RNGTT: variants seen among roughly 807,000 people sequenced by gnomAD.
RNGTT encodes the protein RNA guanylyltransferase and 5'-phosphatase.
In RNGTT, 33 loss-of-function variants were observed where a neutral mutation model predicts 79.3. The observed-to-expected ratio is 0.42, with a 90% confidence interval of 0.32 to 0.56. RNGTT has a LOEUF of 0.56. Among genes scored for constraint, RNGTT ranks in the 20% least tolerant of loss-of-function variants. RNGTT has a pLI of 0.17. For missense variants in RNGTT, 497 were observed against 739.1 expected, an observed-to-expected ratio of 0.67 and a Z score of 3.80; for synonymous variants, 222 against 235.9, an observed-to-expected ratio of 0.94 and a Z score of 0.54.
At chr6:88,808,955 TAA>T (rs879329656) in intron 11 of RNGTT, among the ~76,000 whole-genome samples, 1 of 140,318 alleles carries the variant, frequency 7.1e-6, no homozygotes, top group Non-Finnish European at 1.6e-5. Flanking sequence ...AGATCCCTCT[TAA>T]AAAAAAAAAA....
intron 14 of RNGTT, among the ~76,000 whole-genome samples, chr6:88,624,496 A>C (rs1022502943): frequency 7.9e-5 from 12 of 152,004 alleles, no homozygotes; most frequent in Admixed American, 3.3e-4. Flanking sequence ...TAGTCTTTTC[A>C]ATAAATGGTA....
intron 8 of RNGTT, among the ~76,000 whole-genome samples, chr6:88,861,739 A>C (rs1782020413): frequency 6.6e-6 from 1 of 152,028 alleles, no homozygotes; most frequent in African/African-American, 2.4e-5. Context: ...CAGTGTCAAA[A>C]CCCCTTTCAC....
intron 12 of RNGTT, among the ~76,000 whole-genome samples, chr6:88,791,074 G>C (rs776226323): frequency 2.0e-5 from 3 of 151,330 alleles, no homozygotes; most frequent in Non-Finnish European, 2.9e-5. Flanking sequence ...TTAAATTAAG[G>C]CCATTCAAGG....
intron 13 of RNGTT, among the ~76,000 whole-genome samples, chr6:88,707,034 G>A: frequency 6.6e-6 from 1 of 152,158 alleles, no homozygotes; most frequent in Non-Finnish European, 1.5e-5. Context: ...GATGAATTAA[G>A]CTTAGCATTG....
At chr6:88,952,606 G>A (rs1354627134) in intron 1 of RNGTT, among the ~76,000 whole-genome samples, 1 of 152,190 alleles carries the variant, frequency 6.6e-6, no homozygotes, top group African/African-American at 2.4e-5. Context: ...TGGCTAACCA[G>A]AGGTCCTGAG....
chr6:88,682,625 T>A (rs1775134421), intron 13 of RNGTT, among the ~76,000 whole-genome samples: 1 of 152,206 alleles, frequency 6.6e-6, no homozygotes. Context: ...GGGGTACGTG[T>A]GCAGAATGTG....
At chr6:88,844,682 T>C (rs1304418477) in intron 10 of RNGTT, among the ~76,000 whole-genome samples, 161 bp from the exon 11 acceptor site, 1 of 152,192 alleles carries the variant, frequency 6.6e-6, no homozygotes, top group Non-Finnish European at 1.5e-5. Flanking sequence ...CCCTAATAAT[T>C]AGTTTGACTA....
In RNGTT at chr6:88,612,592, A is replaced by G. The variant is rs963902768; in HGVS notation, c.*127T>C. On this transcript the variant is annotated 3_prime_UTR_variant, in exon 16 of 16. Coordinates refer to ENST00000369485, the MANE Select transcript of RNGTT (RefSeq NM_003800.5). Reference sequence around the variant, plus strand: ...CTGGCTACGATAACTTTCTTTTTTTAAAAAAAATTCAAATGTGTATCAACA... The same window carrying G: ...CTGGCTACGATAACTTTCTTTTTTTGAAAAAAATTCAAATGTGTATCAACA... 5.7e-6 allele frequency: 6 copies of G among 1,049,958 alleles called. No individual in the cohort carries two copies. The highest frequency in any genetic ancestry group is 8.4e-6 in the Non-Finnish European group (6 of 715,638). The allele number at this position is 1,049,958 out of a possible 1,614,324, so 65.0% of individuals were successfully genotyped here. A position where few individuals can be genotyped will look rare whatever the true frequency, so the allele number is the denominator to read the frequency against.
chr6:88,798,165 T>C (rs1187987378), intron 12 of RNGTT, among the ~76,000 whole-genome samples: 4 of 151,920 alleles, frequency 2.6e-5, no homozygotes. Flanking sequence ...ATTCTGAATA[T>C]AAAAAATGAG....
intron 11 of RNGTT, among the ~76,000 whole-genome samples, chr6:88,804,933 T>TC (rs1779907073): frequency 6.6e-6 from 1 of 152,220 alleles, no homozygotes; most frequent in Admixed American, 6.5e-5. Context: ...AAATGCTTTT[T>TC]CCCCTCATTC....
intron 11 of RNGTT, among the ~76,000 whole-genome samples, chr6:88,825,262 A>G (rs1780620827): frequency 6.6e-6 from 1 of 152,204 alleles, no homozygotes; most frequent in Non-Finnish European, 1.5e-5. Context: ...GAAGCAAGCT[A>G]CAGATCCCAC....
chr6:88,814,452 A>AG (rs1780250138), intron 11 of RNGTT, among the ~76,000 whole-genome samples: 1 of 152,206 alleles, frequency 6.6e-6, no homozygotes, highest in Non-Finnish European at 1.5e-5. Context: ...TAGCTTTTAA[A>AG]GCCCTTTTTT....
intron 11 of RNGTT, among the ~76,000 whole-genome samples, chr6:88,831,892 T>A (rs183543649): frequency 1.3e-5 from 2 of 152,154 alleles, no homozygotes; most frequent in Admixed American, 1.3e-4. Context: ...GGGATGTGAA[T>A]GACCTCTTCA....
chr6:88,932,559 C>T lies in RNGTT; in HGVS notation c.175-3292G>A, dbSNP rs147913996. On this transcript the variant is annotated intron_variant, in intron 2 of 15. Coordinates refer to ENST00000369485, the MANE Select transcript of RNGTT (RefSeq NM_003800.5). Reference sequence around the variant, plus strand: ...TGCTGACATGTGTCTCCCCTGGACACCCAGCTTTAAAATTTCTCTCTTTTG... The same window carrying T: ...TGCTGACATGTGTCTCCCCTGGACATCCAGCTTTAAAATTTCTCTCTTTTG... 4.7e-3 allele frequency among the ~76,000 whole-genome samples: 721 copies of T among 152,200 alleles called. 2 individuals are homozygous for T. The highest frequency in any genetic ancestry group is 0.016 in the African/African-American group (684 of 41,528).
chr6:88,807,477 AAACTT>A (rs1779995931), intron 11 of RNGTT, among the ~76,000 whole-genome samples: 1 of 152,176 alleles, frequency 6.6e-6, no homozygotes, highest in Admixed American at 6.5e-5. Context: ...AAAAGTCACT[AAACTT>A]AAAGAAGAAA....
rs1336315548 is a variant in RNGTT, at chr6:88,892,040, T to A, written c.685-125A>T. 6.3e-6 allele frequency: 4 copies of A among 637,592 alleles called. No individual in the cohort carries two copies. The East Asian group carries it at 1.2e-4, about 19-fold the overall frequency. 39.5% of individuals were successfully genotyped at this position (637,592 alleles called of 1,614,324 possible). On this transcript the variant is annotated intron_variant, in intron 6 of 15. Coordinates refer to ENST00000369485, the MANE Select transcript of RNGTT (RefSeq NM_003800.5). ...TCACAAATCTTAGCAAGTCAATATA[T>A]CTAACAGAAACGGTCTGCTGTATAA...
chr6:88,893,502 AC>A (rs1783122128), intron 6 of RNGTT, among the ~76,000 whole-genome samples: 1 of 152,170 alleles, frequency 6.6e-6, no homozygotes, highest in Non-Finnish European at 1.5e-5. Flanking sequence ...AAGGACTAAC[AC>A]ATAGAAAATA....
intron 11 of RNGTT, among the ~76,000 whole-genome samples, chr6:88,835,763 T>C (rs1176425319): frequency 1.3e-5 from 2 of 152,026 alleles, no homozygotes; most frequent in African/African-American, 4.8e-5. Context: ...TATAAAAACA[T>C]TAAACTTCAG....
At chr6:88,679,946 TCA>T (rs1211297877) in intron 13 of RNGTT, among the ~76,000 whole-genome samples, 1 of 152,210 alleles carries the variant, frequency 6.6e-6, no homozygotes, top group African/African-American at 2.4e-5. Flanking sequence ...ACGTCACTTC[TCA>T]GAGTCTCAAC....
Sources: allele counts gnomAD v4.1 joint callset (sites outside exome capture counted in the v4.1 genomes callset), GRCh38; gene constraint gnomAD v4.1.1; transcripts MANE v1.5; gene names NCBI Gene and HGNC (gene_info 2026-07-23, HGNC 2026-07-21).